The following NBAS variants were observed in gnomAD, a reference collection of about 807,000 sequenced individuals.
NBAS encodes the protein NBAS subunit of NRZ tethering complex.
A neutral mutation model predicts 302.5 loss-of-function variants in NBAS; 219 were observed. The observed-to-expected ratio is 0.72, with a 90% CI of 0.65 to 0.81. NBAS has a LOEUF of 0.81. Ranked by LOEUF, NBAS falls within the 30% of genes least tolerant of loss-of-function variation. The pLI is 0.00. For synonymous variants in NBAS, 1,118 were observed against 1,021.6 expected (o/e 1.09, Z -1.80); for missense variants, 2,932 against 2,841.6 (o/e 1.03, Z -0.72).
At chr2:15,461,063 A>G in intron 21 of NBAS, 138 bp downstream of exon 21, 1 of 838,298 alleles carries the variant, frequency 1.2e-6, no homozygotes, top group South Asian at 1.9e-5. Flanking sequence ...ACCATTTACA[A>G]TAACTTAATT....
At position 15,337,126 on chromosome 2, in the gene NBAS, C is replaced by G. The variant is rs1345725367; in HGVS notation, c.4180-6361G>C. Among the ~76,000 whole-genome samples the G allele has an allele frequency of 2.6e-5, 4 of 152,106 alleles. No individual in the cohort carries two copies. In the East Asian group the frequency reaches 7.7e-4, roughly 29 times the overall value. On this transcript the variant is annotated intron_variant, in intron 35 of 51. Transcript: ENST00000281513. ...TCATCTCTACAAACAATTAAAAAAT[C>G]CATTTAATTGTTTAAATCTTATATT...
At chr2:15,461,067 C>T (rs2148559509) in intron 21 of NBAS, 134 bp downstream of exon 21, 6 of 870,504 alleles carry the variant, frequency 6.9e-6, no homozygotes, top group Non-Finnish European at 1.0e-5. Context: ...TTTACAATAA[C>T]TTAATTTTTT....
intron 35 of NBAS, among the ~76,000 whole-genome samples, chr2:15,341,474 T>C (rs776779332): frequency 6.6e-6 from 1 of 151,950 alleles, no homozygotes; most frequent in Admixed American, 6.6e-5. Flanking sequence ...GTAACTAAGA[T>C]AGAAAACTTG....
At chr2:14,995,747 T>C in the NBAS span, among the ~76,000 whole-genome samples, 1 of 152,174 alleles carries the variant, frequency 6.6e-6, no homozygotes. Context: ...ATGCAGAGTC[T>C]TGCTATGTTG....
intron 21 of NBAS, among the ~76,000 whole-genome samples, chr2:15,454,712 C>A (rs1679170473): frequency 6.6e-6 from 1 of 152,138 alleles, no homozygotes; most frequent in South Asian, 2.1e-4. Flanking sequence ...AACTCCCATC[C>A]ACAGCTGGTG....
chr2:15,237,920 G>A (rs371092565), intron 45 of NBAS, among the ~76,000 whole-genome samples: 6 of 152,042 alleles, frequency 3.9e-5, no homozygotes, highest in Admixed American at 1.3e-4. Context: ...GACTACAGGC[G>A]CCCGCCATTG....
intron 22 of NBAS, among the ~76,000 whole-genome samples, chr2:15,425,606 T>G (rs1677430303): frequency 6.6e-6 from 1 of 152,164 alleles, no homozygotes; most frequent in Non-Finnish European, 1.5e-5. Context: ...TACCTGCCAC[T>G]ACAATAAAAC....
the NBAS span, among the ~76,000 whole-genome samples, chr2:14,988,296 A>G: frequency 6.6e-6 from 1 of 152,234 alleles, no homozygotes. Context: ...GGGAGAAACT[A>G]TAGCTGCTTA....
chr2:15,379,031 C>G (rs1465165134), intron 30 of NBAS, among the ~76,000 whole-genome samples: 1 of 151,920 alleles, frequency 6.6e-6, no homozygotes, highest in African/African-American at 2.4e-5. Flanking sequence ...TACCTAATTA[C>G]GAGAACTCAG....
intron 23 of NBAS, 131 bp downstream of exon 23, chr2:15,424,184 A>C: frequency 8.7e-4 from 745 of 854,270 alleles, no homozygotes; most frequent in Non-Finnish European, 1.3e-3. Context: ...AGAAATAAAT[A>C]TTCAATTCAT....
At position 15,508,293 on chromosome 2, in the gene NBAS, T is replaced by C. The variant is rs144779594; in HGVS notation, c.885+2919A>G. ...TCAGGCCACAAGGAGATCAGGACCA[T>C]ACATAGCAGAGTAGATTCCAATACT... On this transcript the variant is annotated intron_variant, in intron 10 of 51. Transcript: ENST00000281513. 1.8e-3 allele frequency among the ~76,000 whole-genome samples: 272 copies of C among 152,276 alleles called. 1 individual carries two copies. The highest frequency in any genetic ancestry group is 6.8e-3 in the Middle Eastern group (2 of 294).
intron 48 of NBAS, among the ~76,000 whole-genome samples, chr2:15,205,428 T>C (rs1572445689): frequency 6.6e-6 from 1 of 151,498 alleles, no homozygotes; most frequent in South Asian, 2.1e-4. Flanking sequence ...TAACCTTGAA[T>C]GAAATGGACT....
At chr2:15,214,403 G>A in intron 48 of NBAS, among the ~76,000 whole-genome samples, 1 of 152,160 alleles carries the variant, frequency 6.6e-6, no homozygotes, top group East Asian at 1.9e-4. Context: ...GGTTAATTTA[G>A]GCTGTATAGT....
the NBAS span, among the ~76,000 whole-genome samples, chr2:14,938,131 A>G: frequency 6.6e-6 from 1 of 152,186 alleles, no homozygotes; most frequent in African/African-American, 2.4e-5. Flanking sequence ...ATCTCAAAAA[A>G]TAAAAAAAAT....
chr2:15,032,681 AG>A, the NBAS span, among the ~76,000 whole-genome samples: 2 of 152,216 alleles, frequency 1.3e-5, no homozygotes, highest in African/African-American at 4.8e-5. Flanking sequence ...GAGAGCATCA[AG>A]GATATGGTGG....
In NBAS at chr2:15,539,319, T is replaced by C; in HGVS notation, c.417A>G (p.Ala139=). 1 of 1,614,250 alleles carries C rather than the reference T, an allele frequency of 6.2e-7. No homozygotes were observed. Among genetic ancestry groups the C allele is most frequent in the South Asian group, 1.1e-5 (1 of 91,086 alleles). The change falls in exon 7 of 52, where the codon GCA becomes GCG. Residue 139 remains alanine (A), a synonymous_variant. Transcript: ENST00000281513. The part of the protein sequence containing the change: ...KDPKPQWRRV[A]WSYDCTLLAY... Reference sequence around the variant, plus strand: ...CCAGTAGGGTACAATCGTAACTCCATGCTACCCGTCTCCACTGGGGTTTCG... The same window carrying C: ...CCAGTAGGGTACAATCGTAACTCCACGCTACCCGTCTCCACTGGGGTTTCG...
intron 44 of NBAS, among the ~76,000 whole-genome samples, chr2:15,245,332 T>G (rs545062277): frequency 6.6e-6 from 1 of 152,166 alleles, no homozygotes; most frequent in East Asian, 1.9e-4. Flanking sequence ...GTCTTCACAG[T>G]CATCGGTCTC....
chr2:14,972,790 C>T, the NBAS span, among the ~76,000 whole-genome samples: 3 of 152,130 alleles, frequency 2.0e-5, no homozygotes, highest in Non-Finnish European at 4.4e-5. Context: ...ACTATGTTTC[C>T]TGTAATCTAG....
chr2:15,379,729 T>C lies in NBAS; in HGVS notation c.3463A>G (p.Ile1155Val). The C allele has an allele frequency of 1.2e-6, 2 of 1,614,082 alleles. No individual in the cohort carries two copies. The highest frequency in any genetic ancestry group is 1.7e-6 in the Non-Finnish European group (2 of 1,179,994). ...SACSENPPAG[I>V]AHKGKPHYRV... ...TAGTGGGGTTTCCCTTTATGGGCTA[T>C]ACCAGCTGGAGGATTTTCTGAACAA... is the stretch of plus-strand genomic sequence containing the variant. The change falls in exon 30 of 52, where the codon ATA (isoleucine) becomes GTA (valine). Residue 1155 changes from isoleucine (I) to valine (V), a missense_variant. Ile to Val is a conservative substitution (Grantham distance 29). Transcript: ENST00000281513.
Sources: gnomAD v4.1 joint callset for allele counts (sites outside exome capture counted in the v4.1 genomes callset) on GRCh38, gnomAD v4.1.1 for gene constraint, MANE v1.5 for transcripts, NCBI Gene and HGNC (gene_info 2026-07-23, HGNC 2026-07-21) for gene names.